CRYL1: variants seen among roughly 807,000 people sequenced by gnomAD.
CRYL1 encodes crystallin lambda 1, also known as lambda-crystallin homolog.
CRYL1 carries 29 observed loss-of-function variants against 36.6 expected under a neutral mutation model. The ratio of observed to expected loss-of-function variants is 0.79; its 90% CI spans 0.59 to 1.08. CRYL1 has a LOEUF of 1.08. Ranked by LOEUF, CRYL1 falls within the 50% of genes least tolerant of loss-of-function variation. The pLI, the probability that CRYL1 is intolerant of heterozygous loss-of-function variation, is 0.00. For synonymous variants in CRYL1, 152 were observed against 151.5 expected (o/e 1.00, Z -0.02); for missense variants, 411 against 407.9 (o/e 1.01, Z -0.06).
intron 5 of CRYL1, chr13:20,430,344 A>T (rs2032031563): frequency 1.0e-6 from 1 of 985,242 alleles, no homozygotes; most frequent in African/African-American, 1.7e-5. Context: ...GACTCCAGGC[A>T]TCTGAGTCCC....
At position 20,415,930 on chromosome 13, in the gene CRYL1, T is replaced by C. The variant is rs60083309; in HGVS notation, c.634-2543A>G. ...TGTGTCCATCTCCTTGATGCAGAGA[T>C]ATGAGTTTAGTCATCCACCCTGCGG... On this transcript the variant is annotated intron_variant, in intron 5 of 7. Coordinates refer to ENST00000298248, the MANE Select transcript of CRYL1 (RefSeq NM_015974.3). The surrounding 1 kb of genome is among the most constrained non-coding windows in gnomAD (Gnocchi z 4.1). Among the ~76,000 whole-genome samples the C allele has an allele frequency of 0.073, 11,171 of 152,266 alleles. 1,100 individuals are homozygous for C. Among genetic ancestry groups the C allele is most frequent in the African/African-American group, 0.21 (8,845 of 41,536 alleles).
At position 20,404,216 on chromosome 13, in the gene CRYL1, G is replaced by T. The variant is rs770024071; in HGVS notation, c.873C>A (p.Asp291Glu). The change falls in exon 8 of 8, where the codon GAC (aspartate) becomes GAA (glutamate). Residue 291 changes from aspartate (D) to glutamate (E), a missense_variant. Asp to Glu is a conservative substitution (Grantham distance 45). Coordinates refer to ENST00000298248, the MANE Select transcript of CRYL1 (RefSeq NM_015974.3). ...GCCTCCTGGCAGCTAAGTGCTCCGG[G>T]TCATCAGGGACCTTCATGCACATGT... is the stretch of plus-strand genomic sequence containing the variant. ...NQDMCMKVPD[D>E]PEHLAARRQW... is the part of the protein sequence containing the mutation. 1 of 1,613,512 alleles carries T rather than the reference G, an allele frequency of 6.2e-7. No homozygotes were observed. The highest frequency in any genetic ancestry group is 1.7e-5 in the Admixed American group (1 of 60,020).
chr13:20,438,320 C>T (rs1459157738), intron 4 of CRYL1, among the ~76,000 whole-genome samples: 3 of 152,132 alleles, frequency 2.0e-5, no homozygotes, highest in Admixed American at 6.5e-5. Flanking sequence ...AGGCCCTGCT[C>T]ACTCATGCTT....
chr13:20,424,126 T>C (rs757619228), intron 5 of CRYL1, among the ~76,000 whole-genome samples: 12 of 152,166 alleles, frequency 7.9e-5, no homozygotes, highest in Admixed American at 7.9e-4. Context: ...AGTACTTCCC[T>C]GTAGATGAAA....
intron 3 of CRYL1, among the ~76,000 whole-genome samples, chr13:20,476,080 C>T (rs2033161427): frequency 6.6e-6 from 1 of 152,176 alleles, no homozygotes; most frequent in African/African-American, 2.4e-5. Flanking sequence ...CAGAGGAAAC[C>T]ACAGTAGCAG....
chr13:20,419,741 C>T (rs2031755173), intron 5 of CRYL1, among the ~76,000 whole-genome samples: 1 of 152,198 alleles, frequency 6.6e-6, no homozygotes, highest in African/African-American at 2.4e-5. Context: ...AGAACTACCA[C>T]AATGATTCAT....
chr13:20,449,144 G>C (rs182408661), intron 3 of CRYL1, among the ~76,000 whole-genome samples: 14 of 152,310 alleles, frequency 9.2e-5, no homozygotes, highest in Non-Finnish European at 1.9e-4. Context: ...CTCCAGCTTG[G>C]GTGACAGAGT....
chr13:20,520,362 A>G (rs566256844), intron 1 of CRYL1, among the ~76,000 whole-genome samples: 1 of 152,242 alleles, frequency 6.6e-6, no homozygotes, highest in South Asian at 2.1e-4. Flanking sequence ...AGGGGAAGCA[A>G]TCATGAGGGA....
chr13:20,514,435 T>C (rs2033966885), intron 1 of CRYL1, among the ~76,000 whole-genome samples: 1 of 152,174 alleles, frequency 6.6e-6, no homozygotes, highest in African/African-American at 2.4e-5. Context: ...TTCTACAAAC[T>C]ACTTGACTGG....
intron 2 of CRYL1, among the ~76,000 whole-genome samples, chr13:20,508,953 C>G (rs2033863431): frequency 6.8e-6 from 1 of 147,902 alleles, no homozygotes; most frequent in African/African-American, 2.5e-5. Flanking sequence ...ATAATCCTAG[C>G]ACTTCGGGAG....
At chr13:20,421,592 A>G (rs4770024) in intron 5 of CRYL1, among the ~76,000 whole-genome samples, 107,790 of 151,696 alleles carry the variant, frequency 0.71, 40,025 homozygotes, top group Admixed American at 0.83. Flanking sequence ...GTCATTTGTC[A>G]CCTCCCACCT....
intron 1 of CRYL1, among the ~76,000 whole-genome samples, chr13:20,516,132 G>A (rs1157198736): frequency 1.4e-5 from 2 of 147,626 alleles, no homozygotes; most frequent in South Asian, 2.2e-4. Flanking sequence ...AGGAGGTTGC[G>A]GTGAGCCAAG....
intron 2 of CRYL1, among the ~76,000 whole-genome samples, chr13:20,500,995 A>G (rs1469125327): frequency 6.6e-6 from 1 of 152,044 alleles, no homozygotes; most frequent in East Asian, 1.9e-4. Flanking sequence ...CTCATTCACC[A>G]TGATTGCTTC....
intron 1 of CRYL1, among the ~76,000 whole-genome samples, chr13:20,521,958 G>A (rs1479769491): frequency 6.6e-6 from 1 of 152,110 alleles, no homozygotes; most frequent in Non-Finnish European, 1.5e-5. Context: ...AAGGCAAGGA[G>A]GGCATCCTAG....
intron 2 of CRYL1, among the ~76,000 whole-genome samples, chr13:20,494,353 GAAT>G (rs1179728616): frequency 1.3e-5 from 2 of 152,122 alleles, no homozygotes; most frequent in Non-Finnish European, 2.9e-5. Flanking sequence ...AATGTAGAAA[GAAT>G]AATAAACATC....
rs990324862 is a variant in CRYL1, at chr13:20,415,079, G to A, written c.634-1692C>T. ...CATCGCGGCCTGGGCGGGCCCGCCT[G>A]CCCTCGGCTGAGCCCGGTTTCCCTA... On this transcript the variant is annotated intron_variant, in intron 5 of 7. Coordinates refer to ENST00000298248, the MANE Select transcript of CRYL1 (RefSeq NM_015974.3). This position sits in a 1 kb window ranked among gnomAD's most constrained non-coding sequence, Gnocchi z 4.1. 2.0e-5 allele frequency among the ~76,000 whole-genome samples: 3 copies of A among 152,180 alleles called. No individual in the cohort carries two copies. Among genetic ancestry groups the A allele is most frequent in the Admixed American group, 6.5e-5 (1 of 15,288 alleles).
At chr13:20,493,975 C>T (rs1014239045) in intron 2 of CRYL1, among the ~76,000 whole-genome samples, 1 of 152,212 alleles carries the variant, frequency 6.6e-6, no homozygotes, top group Non-Finnish European at 1.5e-5. Context: ...ACAATCAACC[C>T]TCATCAAGAG....
intron 5 of CRYL1, chr13:20,430,635 C>T (rs1310233918): frequency 4.1e-6 from 4 of 985,300 alleles, no homozygotes; most frequent in Admixed American, 6.1e-5. Flanking sequence ...TGTACACCTC[C>T]CACCCGATCC....
At chr13:20,487,099 T>A (rs1204546479) in intron 3 of CRYL1, among the ~76,000 whole-genome samples, 1 of 152,210 alleles carries the variant, frequency 6.6e-6, no homozygotes, top group Non-Finnish European at 1.5e-5. Context: ...TAGTTTTGGA[T>A]GTTTATAGAA....
Sources: gnomAD v4.1 joint callset for allele counts (sites outside exome capture counted in the v4.1 genomes callset) on GRCh38, gnomAD v4.1.1 for gene constraint, Gnocchi (gnomAD v3.1) non-coding constraint, MANE v1.5 for transcripts, NCBI Gene and HGNC (gene_info 2026-07-23, HGNC 2026-07-21) for gene names.